The following SNX29 variants were observed in gnomAD, a reference collection of about 807,000 sequenced individuals.
SNX29 encodes sorting nexin 29, also known as sorting nexin-29.
In SNX29, 78 loss-of-function variants were observed where a neutral mutation model predicts 102.1. The observed-to-expected ratio is 0.76, with a 90% CI of 0.64 to 0.92. The LOEUF (loss-of-function observed/expected upper bound fraction) is 0.92, where lower values mean the gene tolerates loss of function less well. Among genes scored for constraint, SNX29 ranks in the 40% least tolerant of loss-of-function variants. The pLI, the probability that SNX29 is intolerant of heterozygous loss-of-function variation, is 0.00. For missense variants in SNX29, 1,280 were observed against 1,061.7 expected, an observed-to-expected ratio of 1.21 and a Z score of -2.86; for synonymous variants, 580 against 414.5, an observed-to-expected ratio of 1.40 and a Z score of -4.85.
intron 11 of SNX29, among the ~76,000 whole-genome samples, chr16:12,080,411 G>C (rs571204820): frequency 6.6e-6 from 1 of 152,210 alleles, no homozygotes; most frequent in Non-Finnish European, 1.5e-5. Context: ...ACTCCGCTGA[G>C]CAGGTGTTAA....
intron 16 of SNX29, among the ~76,000 whole-genome samples, chr16:12,362,338 C>A (rs990148742): frequency 1.3e-5 from 2 of 152,158 alleles, no homozygotes. Flanking sequence ...GGGTGAAAAC[C>A]CAGAGATCTT....
At chr16:12,195,536 G>T (rs1418830475) in intron 13 of SNX29, among the ~76,000 whole-genome samples, 2 of 152,194 alleles carry the variant, frequency 1.3e-5, no homozygotes, top group African/African-American at 4.8e-5. Context: ...CTCGAGGAAA[G>T]TTCCTTAGCC....
intron 16 of SNX29, among the ~76,000 whole-genome samples, chr16:12,384,658 T>C (rs1477677859): frequency 6.6e-6 from 1 of 152,226 alleles, no homozygotes; most frequent in Non-Finnish European, 1.5e-5. Context: ...TTTTCTCCCA[T>C]TCTGTGGGTT....
At position 12,572,177 on chromosome 16, in the gene SNX29, C is replaced by T. The variant is rs562591339; in HGVS notation, c.*3548C>T. 6.1e-6 allele frequency: 6 copies of T among 976,742 alleles called. No individual in the cohort carries two copies. The African/African-American group carries it at 6.8e-5, about 11-fold the overall frequency. The allele number at this position is 976,742 out of a possible 1,614,324, so 60.5% of individuals were successfully genotyped here. A position where few individuals can be genotyped will look rare whatever the true frequency, so the allele number is the denominator to read the frequency against. On this transcript the variant is annotated 3_prime_UTR_variant, in exon 21 of 21. Coordinates refer to ENST00000566228, the MANE Select transcript of SNX29 (RefSeq NM_032167.5). ...ATCAATTTTGATAACCATGTAATTT[C>T]TTAGAACCATGGCAGGTAGTATTGT...
chr16:12,406,547 T>C (rs62028366), intron 18 of SNX29, among the ~76,000 whole-genome samples: 12,250 of 152,246 alleles, frequency 0.08, 654 homozygotes, highest in East Asian at 0.19. Flanking sequence ...TGCTCCCTGG[T>C]ACTGGAGCTG....
chr16:12,523,164 C>G (rs561114361), intron 19 of SNX29, among the ~76,000 whole-genome samples: 1 of 152,304 alleles, frequency 6.6e-6, no homozygotes, highest in South Asian at 2.1e-4. Flanking sequence ...GGTGGTTTTT[C>G]TCGTTGCTGA....
At chr16:12,560,236 A>G (rs1245094697) in intron 20 of SNX29, among the ~76,000 whole-genome samples, 5 of 152,026 alleles carry the variant, frequency 3.3e-5, no homozygotes, top group African/African-American at 1.2e-4. Flanking sequence ...CTTGCAGAAG[A>G]AAAGCCTGAA....
chr16:11,998,249 G>A (rs1255826812), intron 1 of SNX29, among the ~76,000 whole-genome samples: 8 of 152,192 alleles, frequency 5.3e-5, no homozygotes, highest in Middle Eastern at 6.3e-3. Flanking sequence ...TGAAGTGAAT[G>A]TGCTCTGTGT....
chr16:12,183,432 TC>T (rs1429463293), intron 13 of SNX29, among the ~76,000 whole-genome samples: 21 of 152,200 alleles, frequency 1.4e-4, no homozygotes, highest in African/African-American at 5.1e-4. Context: ...TTTGCATATT[TC>T]TCAGTGTTTT....
At chr16:12,427,679 C>T (rs1165543340) in intron 18 of SNX29, among the ~76,000 whole-genome samples, 1 of 152,198 alleles carries the variant, frequency 6.6e-6, no homozygotes. Context: ...CCAGGACAGG[C>T]TGAACCCCAA....
chr16:12,094,351 AC>A (rs1398922004), intron 11 of SNX29, among the ~76,000 whole-genome samples: 4 of 152,184 alleles, frequency 2.6e-5, no homozygotes, highest in African/African-American at 9.7e-5. Flanking sequence ...CATTAACAAC[AC>A]CCTCAAAGGG....
In SNX29 at chr16:12,568,981, C is replaced by G; in HGVS notation, c.*352C>G. On this transcript the variant is annotated 3_prime_UTR_variant, in exon 21 of 21. Transcript: ENST00000566228. The stretch of plus-strand genomic sequence containing the variant: ...GGCTGGGTGCGCCATGGTTGAGAGG[C>G]AAAGGTGATCCCCTATATAGGAAGG... 8.8e-6 allele frequency: 3 copies of G among 341,276 alleles called. No homozygotes were observed. The highest frequency in any genetic ancestry group is 1.1e-4 in the South Asian group (2 of 18,108). 21.1% of individuals were successfully genotyped at this position (341,276 alleles called of 1,614,324 possible). A position where few individuals can be genotyped will look rare whatever the true frequency, so the allele number is the denominator to read the frequency against.
At chr16:12,537,210 T>TA (rs932552362) in intron 20 of SNX29, among the ~76,000 whole-genome samples, 4 of 152,306 alleles carry the variant, frequency 2.6e-5, no homozygotes, top group African/African-American at 9.6e-5. Context: ...TTGCTGAGCT[T>TA]AGAGACCAGA....
chr16:12,334,542 C>T (rs1182910079), intron 15 of SNX29, among the ~76,000 whole-genome samples: 1 of 152,190 alleles, frequency 6.6e-6, no homozygotes, highest in Non-Finnish European at 1.5e-5. Context: ...TCCCCGCAAA[C>T]ATTATGGGAC....
At chr16:12,557,517 T>G (rs1049375595) in intron 20 of SNX29, 2 of 151,966 alleles carry the variant, frequency 1.3e-5, no homozygotes, top group African/African-American at 4.8e-5. Flanking sequence ...ACACACCACC[T>G]CTCCCAACTA....
At chr16:12,227,487 C>G (rs1447133440) in intron 14 of SNX29, among the ~76,000 whole-genome samples, 24 of 152,216 alleles carry the variant, frequency 1.6e-4, no homozygotes, top group Non-Finnish European at 1.5e-5. Context: ...AAATGACCAA[C>G]TCAATTCTGT....
chr16:12,553,652 G>C (rs1021392178), intron 20 of SNX29, among the ~76,000 whole-genome samples: 1 of 144,834 alleles, frequency 6.9e-6, no homozygotes, highest in South Asian at 2.2e-4. Context: ...GTGCAATGAC[G>C]TGATCTTGGC....
intron 13 of SNX29, among the ~76,000 whole-genome samples, chr16:12,190,880 A>G (rs1009617432): frequency 1.3e-5 from 2 of 152,138 alleles, no homozygotes; most frequent in Non-Finnish European, 2.9e-5. Context: ...GTGCTCTGGA[A>G]GGTATCTTTT....
chr16:12,425,597 A>G (rs1437748377), intron 18 of SNX29, among the ~76,000 whole-genome samples: 1 of 151,574 alleles, frequency 6.6e-6, no homozygotes, highest in Admixed American at 6.6e-5. Flanking sequence ...GGAAGTAGAG[A>G]AGAGGCAGAT....
Sources: allele counts gnomAD v4.1 joint callset (sites outside exome capture counted in the v4.1 genomes callset), GRCh38; gene constraint gnomAD v4.1.1; transcripts MANE v1.5; gene names NCBI Gene and HGNC (gene_info 2026-07-23, HGNC 2026-07-21).